ACOT8: variants seen among roughly 807,000 people sequenced by gnomAD.
ACOT8 encodes the protein acyl-CoA thioesterase 8.
In ACOT8, 31 loss-of-function variants were observed where a neutral mutation model predicts 38.4. The observed-to-expected ratio is 0.81, with a 90% CI of 0.61 to 1.09. ACOT8 has a LOEUF of 1.09. ACOT8 is among the 50% of genes least tolerant of loss of function. The pLI, the probability that ACOT8 is intolerant of heterozygous loss-of-function variation, is 0.00. For missense variants in ACOT8, 373 were observed against 421.8 expected (o/e 0.88, Z 1.01); for synonymous variants, 158 against 170.3 (o/e 0.93, Z 0.56).
intron 5 of ACOT8, chr20:45,842,313 C>T (rs975170113): frequency 7.1e-7 from 1 of 1,411,300 alleles, no homozygotes. Flanking sequence ...CACTTTCACA[C>T]CTCTCCTCGC....
chr20:45,842,801 T>C, intron 5 of ACOT8: 1 of 990,842 alleles, frequency 1.0e-6, no homozygotes, highest in Non-Finnish European at 1.2e-6. Context: ...TTATCAATCT[T>C]GGATTGTGAT....
chr20:45,849,179 A>G (rs1390505183), intron 2 of ACOT8: 2 of 152,792 alleles, frequency 1.3e-5, no homozygotes, highest in African/African-American at 4.8e-5. Context: ...CAAAACCATT[A>G]TTCTAGATCA....
At chr20:45,844,105 G>A in intron 4 of ACOT8, 158 bp downstream of exon 4, 1 of 1,047,900 alleles carries the variant, frequency 9.5e-7, no homozygotes, top group East Asian at 2.6e-5. Flanking sequence ...CCCATGCAAA[G>A]GGCTGAGAGG....
chr20:45,847,798 CAG>C (rs1459518214), intron 3 of ACOT8: 3 of 150,646 alleles, frequency 2.0e-5, no homozygotes, highest in Admixed American at 6.6e-5. Context: ...TTTTTTCAGA[CAG>C]AGTCTTGCTC....
At chr20:45,851,138 G>A (rs531978526) in intron 2 of ACOT8, among the ~76,000 whole-genome samples, 14 of 152,250 alleles carry the variant, frequency 9.2e-5, no homozygotes, top group African/African-American at 3.4e-4. Flanking sequence ...CAGGCACCAG[G>A]GCTCAATCAA....
At chr20:45,850,734 T>C (rs1985004647) in intron 2 of ACOT8, among the ~76,000 whole-genome samples, 1 of 152,114 alleles carries the variant, frequency 6.6e-6, no homozygotes, top group Admixed American at 6.5e-5. Flanking sequence ...TGGTGGCATG[T>C]GCCTATAGTC....
In ACOT8 at chr20:45,841,818, G is replaced by A. The variant is rs775337601; in HGVS notation, c.*20C>T. 1 of 1,582,810 alleles carries A rather than the reference G, an allele frequency of 6.3e-7. No homozygotes were observed. The highest frequency in any genetic ancestry group is 1.1e-5 in the South Asian group (1 of 87,332). On this transcript the variant is annotated 3_prime_UTR_variant, in exon 6 of 6. Transcript: ENST00000217455. ...TAGATGGGAGGTTCTTGAAGCCCCA[G>A]GCGAAGCTGGTACCTCTGGCTACAG... is the stretch of plus-strand genomic sequence containing the variant.
At chr20:45,853,789 T>C (rs763870211) in intron 2 of ACOT8, 46 of 565,676 alleles carry the variant, frequency 8.1e-5, no homozygotes, top group Non-Finnish European at 1.2e-4. Flanking sequence ...GGGGGGCCAA[T>C]CAATACTCCT....
intron 2 of ACOT8, among the ~76,000 whole-genome samples, chr20:45,853,004 G>A (rs1985161031): frequency 6.6e-6 from 1 of 152,152 alleles, no homozygotes; most frequent in African/African-American, 2.4e-5. Flanking sequence ...CCTGAGCTCA[G>A]GTGATCCGCC....
chr20:45,856,566 G>C (rs1213240363), intron 1 of ACOT8, among the ~76,000 whole-genome samples: 1 of 152,156 alleles, frequency 6.6e-6, no homozygotes, highest in Non-Finnish European at 1.5e-5. Context: ...GTATGTCCCA[G>C]CTAATCAGGA....
At chr20:45,851,426 T>C (rs1985052528) in intron 2 of ACOT8, among the ~76,000 whole-genome samples, 2 of 152,222 alleles carry the variant, frequency 1.3e-5, no homozygotes, top group Admixed American at 1.3e-4. Context: ...AAAGTGCAGA[T>C]TCCTGAGGAG....
At position 45,841,790 on chromosome 20, in the gene ACOT8, G is replaced by A. The variant is rs1984152252; in HGVS notation, c.*48C>T. 1.3e-6 allele frequency: 2 copies of A among 1,540,950 alleles called. No homozygotes were observed. Among genetic ancestry groups the A allele is most frequent in the African/African-American group, 2.8e-5 (2 of 72,486 alleles). On this transcript the variant is annotated 3_prime_UTR_variant, in exon 6 of 6. Coordinates refer to ENST00000217455, the MANE Select transcript of ACOT8 (RefSeq NM_005469.4). ...ACTGTAACTCCTGTCTCAGGAATGG[G>A]GATAGATGGGAGGTTCTTGAAGCCC...
At chr20:45,851,323 A>G (rs2145772022) in intron 2 of ACOT8, among the ~76,000 whole-genome samples, 1 of 152,316 alleles carries the variant, frequency 6.6e-6, no homozygotes, top group Non-Finnish European at 1.5e-5. Flanking sequence ...CTGCTTTCAG[A>G]CACTGGGAAT....
At chr20:45,853,582 TGCCCCC>T in intron 2 of ACOT8, 1 of 167,620 alleles carries the variant, frequency 6.0e-6, no homozygotes, top group Non-Finnish European at 1.3e-5. Context: ...GTTCAAGTAA[TGCCCCC>T]ACCCACACAA....
chr20:45,844,099 T>C (rs1224583579), intron 4 of ACOT8, 164 bp downstream of exon 4: 2 of 1,012,150 alleles, frequency 2.0e-6, no homozygotes, highest in Non-Finnish European at 1.5e-6. Context: ...CTTCTCCCCA[T>C]GCAAAGGGCT....
intron 3 of ACOT8, among the ~76,000 whole-genome samples, chr20:45,846,344 C>T (rs1245229856): frequency 1.3e-5 from 2 of 151,624 alleles, no homozygotes; most frequent in Admixed American, 1.3e-4. Flanking sequence ...CTAGTTAGTA[C>T]TAGCACGCTA....
intron 3 of ACOT8, among the ~76,000 whole-genome samples, chr20:45,847,165 A>T (rs1463161404): frequency 6.6e-6 from 1 of 151,946 alleles, no homozygotes; most frequent in Non-Finnish European, 1.5e-5. Flanking sequence ...AGCCGAGATC[A>T]TGCCACTGCA....
chr20:45,843,532 C>T lies in ACOT8; in HGVS notation c.836G>A (p.Trp279Ter), dbSNP rs1357298502. Residue 279 changes from tryptophan (W) to a stop codon, truncating the protein, a stop_gained, in exon 5 of 6, where the codon TGG (tryptophan) becomes TAG (stop). Transcript: ENST00000217455. LOFTEE classifies it high-confidence loss of function. ...CCACACGGCCCCACACTCACCGGCC[C>T]AGGGGCTCTCGCATTCATAGAGCAT... ...HWMLYECESP[W>*]AGGSRGLVHG... 1.9e-6 allele frequency: 3 copies of T among 1,609,286 alleles called. No homozygotes were observed. The highest frequency in any genetic ancestry group is 2.5e-6 in the Non-Finnish European group (3 of 1,176,564).
Position 45,844,198 on chromosome 20 carries a change from C to G in ACOT8, c.646+65G>C, listed in dbSNP as rs776314652. On this transcript the variant is annotated intron_variant, in intron 4 of 5. Transcript: ENST00000217455. ...AGAAGGGAACTCATGTGCCCAAGGC[C>G]ACACAGCAAATGAGTGGTAGACCCC... 21 of 1,607,260 alleles carry G rather than the reference C, an allele frequency of 1.3e-5. No individual in the cohort carries two copies. The South Asian group carries it at 2.1e-4, about 16-fold the overall frequency.
Sources: gnomAD v4.1 joint callset for allele counts (sites outside exome capture counted in the v4.1 genomes callset) on GRCh38, gnomAD v4.1.1 for gene constraint, MANE v1.5 for transcripts, NCBI Gene and HGNC (gene_info 2026-07-23, HGNC 2026-07-21) for gene names.